Variants in L2HGDH observed in about 807,000 individuals in gnomAD.
The protein encoded by L2HGDH is L-2-hydroxyglutarate dehydrogenase.
Under a neutral mutation model 51.5 loss-of-function variants are expected in L2HGDH, and 34 were observed. The ratio of observed to expected loss-of-function variants is 0.66; its 90% CI spans 0.50 to 0.88. L2HGDH has a LOEUF of 0.88. Among genes scored for constraint, L2HGDH ranks in the 40% least tolerant of loss-of-function variants. The pLI is 0.00. For synonymous variants in L2HGDH, 198 were observed against 197.9 expected, an observed-to-expected ratio of 1.00 and a Z score of -0.01; for missense variants, 558 against 571.9, an observed-to-expected ratio of 0.98 and a Z score of 0.25.
At chr14:50,305,900 T>C (rs1025098838) in intron 1 of L2HGDH, among the ~76,000 whole-genome samples, 12 of 152,364 alleles carry the variant, frequency 7.9e-5, no homozygotes, top group African/African-American at 2.9e-4. Context: ...TTATACTACA[T>C]AGTACCATGT....
At chr14:50,255,977 T>G (rs1364625324) in intron 9 of L2HGDH, among the ~76,000 whole-genome samples, 2 of 151,740 alleles carry the variant, frequency 1.3e-5, no homozygotes, top group East Asian at 3.9e-4. Context: ...CACTCCAGGC[T>G]GGGTGACAGA....
At chr14:50,267,207 A>C (rs560817199) in intron 8 of L2HGDH, among the ~76,000 whole-genome samples, 1 of 149,194 alleles carries the variant, frequency 6.7e-6, no homozygotes, top group African/African-American at 2.5e-5. Context: ...TTTGAGATGG[A>C]GTCTTGCTCT....
intron 4 of L2HGDH, among the ~76,000 whole-genome samples, chr14:50,288,975 G>T (rs1344287332): frequency 6.6e-6 from 1 of 152,190 alleles, no homozygotes; most frequent in East Asian, 1.9e-4. Flanking sequence ...GTAATGCACT[G>T]TATAGATAAG....
At position 50,242,553 on chromosome 14, in the gene L2HGDH, G is replaced by C; in HGVS notation, c.*4505C>G. 1.0e-6 allele frequency: 1 copy of C among 984,902 alleles called. No homozygotes were observed. The highest frequency in any genetic ancestry group is 1.2e-6 in the Non-Finnish European group (1 of 829,436). 61.0% of individuals were successfully genotyped at this position (984,902 alleles called of 1,614,324 possible). On this transcript the variant is annotated 3_prime_UTR_variant, in exon 10 of 10. Coordinates refer to ENST00000267436, the MANE Select transcript of L2HGDH (RefSeq NM_024884.3). The stretch of plus-strand genomic sequence containing the variant: ...TCTAGGATTTGAGGCCAGAAAAGTA[G>C]AGTTGGTTGGTATCAACACTGTTCT...
intron 9 of L2HGDH, among the ~76,000 whole-genome samples, chr14:50,257,581 G>A (rs962397791): frequency 4.0e-5 from 6 of 151,884 alleles, no homozygotes; most frequent in African/African-American, 1.4e-4. Context: ...ATGTTGCCTA[G>A]GCTGGTCTTG....
At chr14:50,278,399 C>G (rs908555163) in intron 6 of L2HGDH, 121 bp downstream of exon 6, 2 of 472,746 alleles carry the variant, frequency 4.2e-6, no homozygotes, top group Admixed American at 7.6e-5. Context: ...AAGAAATTCT[C>G]TCAGAATTAC....
chr14:50,291,169 G>C (rs1890859285), intron 4 of L2HGDH, among the ~76,000 whole-genome samples: 1 of 122,666 alleles, frequency 8.2e-6, no homozygotes, highest in Non-Finnish European at 1.6e-5. Flanking sequence ...CTGCACTCCA[G>C]CTTGGGGGAC....
chr14:50,283,788 C>T (rs1890407430), intron 5 of L2HGDH, 83 bp downstream of exon 5: 4 of 1,121,236 alleles, frequency 3.6e-6, no homozygotes, highest in Non-Finnish European at 5.3e-6. Context: ...ATTTTTCATC[C>T]TCAGTTGGTT....
At chr14:50,295,572 ATTTTT>A (rs545388262) in intron 3 of L2HGDH, among the ~76,000 whole-genome samples, 3 of 105,788 alleles carry the variant, frequency 2.8e-5, no homozygotes, top group African/African-American at 1.3e-4. Flanking sequence ...CACTCGGCTA[ATTTTT>A]TTTTTTTTTT....
chr14:50,264,018 A>AC (rs1889195708), intron 9 of L2HGDH, among the ~76,000 whole-genome samples: 1 of 149,894 alleles, frequency 6.7e-6, no homozygotes, highest in Non-Finnish European at 1.5e-5. Context: ...CAGGTGATCC[A>AC]CCCGCCTCAG....
At chr14:50,256,167 T>C (rs1888657139) in intron 9 of L2HGDH, among the ~76,000 whole-genome samples, 1 of 152,098 alleles carries the variant, frequency 6.6e-6, no homozygotes, top group African/African-American at 2.4e-5. Flanking sequence ...TTCAGCCAGT[T>C]CCAAATACAA....
rs2030441347 is a variant in L2HGDH, at chr14:50,302,059, C to G, written c.366G>C (p.Glu122Asp). The G allele has an allele frequency of 1.2e-6, 2 of 1,614,128 alleles. No homozygotes were observed. Among genetic ancestry groups the G allele is most frequent in the Non-Finnish European group, 1.7e-6 (2 of 1,180,020 alleles). ...LCVQGAALLYEYCQQKGISYK... is the reference protein window; with the variant it reads ...LCVQGAALLYDYCQQKGISYK... ...AGGAAATTCCCTTTTGCTGACAGTACTCATAGAGGAGGGCTGCACCTTGTA... is the reference window on the plus strand; with the variant it reads ...AGGAAATTCCCTTTTGCTGACAGTAGTCATAGAGGAGGGCTGCACCTTGTA... Residue 122 changes from glutamate to aspartate, a missense_variant, in exon 3 of 10, where the codon GAG becomes GAC. Around this residue, in one of 3 missense-constraint regions of L2HGDH, gnomAD observed 194 missense variants for 187.2 expected, o/e 1.04. Coordinates refer to ENST00000267436, the MANE Select transcript of L2HGDH (RefSeq NM_024884.3).
At chr14:50,273,208 T>C (rs886091915) in intron 6 of L2HGDH, among the ~76,000 whole-genome samples, 11 of 152,182 alleles carry the variant, frequency 7.2e-5, no homozygotes, top group African/African-American at 2.7e-4. Flanking sequence ...TCAAGCTCCA[T>C]ATGAATGCTC....
chr14:50,304,968 A>G (rs1211939263), intron 1 of L2HGDH, among the ~76,000 whole-genome samples: 1 of 152,234 alleles, frequency 6.6e-6, no homozygotes, highest in African/African-American at 2.4e-5. Flanking sequence ...GGGAAATTTC[A>G]GAGATTAGGC....
intron 9 of L2HGDH, among the ~76,000 whole-genome samples, chr14:50,259,333 GTTTTC>G (rs1888861930): frequency 7.7e-6 from 1 of 129,800 alleles, no homozygotes; most frequent in Non-Finnish European, 1.7e-5. Context: ...ATGTGTATTT[GTTTTC>G]TTTTCTTTCT....
chr14:50,291,381 T>G (rs1277188042), intron 4 of L2HGDH, among the ~76,000 whole-genome samples: 1 of 152,012 alleles, frequency 6.6e-6, no homozygotes, highest in Non-Finnish European at 1.5e-5. Context: ...ATGAAAATAT[T>G]CTACTTAAAA....
chr14:50,284,917 T>A (rs1311513214), intron 4 of L2HGDH, among the ~76,000 whole-genome samples: 1 of 152,206 alleles, frequency 6.6e-6, no homozygotes, highest in African/African-American at 2.4e-5. Context: ...CACCTGACCA[T>A]CACCCCAACA....
intron 5 of L2HGDH, among the ~76,000 whole-genome samples, chr14:50,281,234 A>G (rs752645513): frequency 6.6e-6 from 1 of 152,174 alleles, no homozygotes; most frequent in Non-Finnish European, 1.5e-5. Context: ...TGATATATAT[A>G]GACAAGCCAA....
Position 50,309,284 on chromosome 14 carries a change from C to T in L2HGDH, c.140+2727G>A, listed in dbSNP as rs543006616. ...TTTGGTGATATAAAAAATTTCAGGC[C>T]GGGTGCAGTGGCTCATGCCTGTAAT... On this transcript the variant is annotated intron_variant, in intron 1 of 9. Coordinates refer to ENST00000267436, the MANE Select transcript of L2HGDH (RefSeq NM_024884.3). Among the ~76,000 whole-genome samples, 10 of 152,136 alleles carry T rather than the reference C, an allele frequency of 6.6e-5. No homozygotes were observed. In the South Asian group the frequency reaches 8.3e-4, roughly 13 times the overall value.
Sources: gnomAD v4.1 joint callset for allele counts (sites outside exome capture counted in the v4.1 genomes callset) on GRCh38, gnomAD v4.1.1 for gene constraint, gnomAD v4.1.1 regional missense constraint, MANE v1.5 for transcripts, NCBI Gene and HGNC (gene_info 2026-07-23, HGNC 2026-07-21) for gene names.